PLPPR1: variants seen among roughly 807,000 people sequenced by gnomAD.
The protein encoded by PLPPR1 is phospholipid phosphatase related 1.
In PLPPR1, 10 loss-of-function variants were observed where a neutral mutation model predicts 33.1. That is an observed-to-expected ratio of 0.30 (90% CI 0.19 to 0.51). The LOEUF is 0.51. Among genes scored for constraint, PLPPR1 ranks in the 20% least tolerant of loss-of-function variants. The pLI, the probability that PLPPR1 is intolerant of heterozygous loss-of-function variation, is 0.97. For missense variants in PLPPR1, 304 were observed against 408.1 expected, an observed-to-expected ratio of 0.74 and a Z score of 2.20; for synonymous variants, 151 against 151.0, an observed-to-expected ratio of 1.00 and a Z score of 0.00.
intron 7 of PLPPR1, among the ~76,000 whole-genome samples, chr9:101,318,970 G>GT (rs1407538147): frequency 6.6e-6 from 1 of 152,072 alleles, no homozygotes; most frequent in African/African-American, 2.4e-5. Flanking sequence ...AAGTGTTTAT[G>GT]TTTTGTCATA....
At chr9:101,159,937 G>C (rs1177889090) in intron 1 of PLPPR1, among the ~76,000 whole-genome samples, 2 of 152,136 alleles carry the variant, frequency 1.3e-5, no homozygotes, top group Admixed American at 1.3e-4. Flanking sequence ...CTTCCACAAA[G>C]AGGATTTATT....
intron 2 of PLPPR1, among the ~76,000 whole-genome samples, chr9:101,192,639 C>A (rs529032610): frequency 1.3e-5 from 2 of 152,074 alleles, no homozygotes; most frequent in East Asian, 3.9e-4. Context: ...CAATATAAAA[C>A]AACAAATTTG....
intron 2 of PLPPR1, among the ~76,000 whole-genome samples, chr9:101,213,310 A>G (rs1826721775): frequency 6.6e-6 from 1 of 152,210 alleles, no homozygotes; most frequent in South Asian, 2.1e-4. Context: ...TGAATATCCA[A>G]AAATGCATAA....
rs552888852 is a variant in PLPPR1, at chr9:101,227,434, T to C, written c.63+41877T>C. ...TGAACGTTTTTTCATAGGTTGGTTG[T>C]TGGCTGCATGAATGTCTTCTTTTGA... is the stretch of plus-strand genomic sequence containing the variant. On this transcript the variant is annotated intron_variant, in intron 2 of 7. Transcript: ENST00000374874. Among the ~76,000 whole-genome samples the C allele has an allele frequency of 5.6e-4, 86 of 152,290 alleles. 2 individuals carry two copies. In the South Asian group the frequency reaches 0.018, roughly 31 times the overall value.
At chr9:101,277,357 G>A (rs1369052020) in intron 3 of PLPPR1, among the ~76,000 whole-genome samples, 2 of 152,184 alleles carry the variant, frequency 1.3e-5, no homozygotes, top group South Asian at 2.1e-4. Flanking sequence ...ACAACCCAAA[G>A]TGACAGAGAT....
At chr9:101,290,960 C>T (rs1267337131) in intron 4 of PLPPR1, among the ~76,000 whole-genome samples, 5 of 152,132 alleles carry the variant, frequency 3.3e-5, no homozygotes, top group Non-Finnish European at 2.9e-5. Context: ...GCGCACCAAG[C>T]GCGAGCCAAA....
chr9:101,244,821 A>G (rs1020535780), intron 2 of PLPPR1, among the ~76,000 whole-genome samples: 1 of 151,978 alleles, frequency 6.6e-6, no homozygotes, highest in African/African-American at 2.4e-5. Context: ...GTTAATATGT[A>G]TCTGATAGAA....
At chr9:101,298,404 G>T (rs1057348200) in intron 4 of PLPPR1, among the ~76,000 whole-genome samples, 6 of 152,202 alleles carry the variant, frequency 3.9e-5, no homozygotes, top group African/African-American at 1.4e-4. Context: ...TAAATCAAGT[G>T]TGGTCTAAGT....
chr9:101,092,420 T>C (rs1451508942), intron 1 of PLPPR1, among the ~76,000 whole-genome samples: 1 of 152,194 alleles, frequency 6.6e-6, no homozygotes, highest in East Asian at 1.9e-4. Context: ...TTTTAGTGCC[T>C]AACTGGTATT....
intron 1 of PLPPR1, among the ~76,000 whole-genome samples, chr9:101,108,530 G>A (rs1171804335): frequency 1.3e-5 from 2 of 152,230 alleles, no homozygotes; most frequent in Non-Finnish European, 2.9e-5. Flanking sequence ...GACAGGCACT[G>A]TTTGTAACTA....
chr9:101,230,342 T>C (rs905104602), intron 2 of PLPPR1, among the ~76,000 whole-genome samples: 1 of 152,140 alleles, frequency 6.6e-6, no homozygotes, highest in African/African-American at 2.4e-5. Context: ...TTTTTGATTG[T>C]TGATATTTCC....
intron 7 of PLPPR1, among the ~76,000 whole-genome samples, chr9:101,318,642 C>G (rs141135516): frequency 2.4e-4 from 37 of 152,170 alleles, no homozygotes; most frequent in Middle Eastern, 3.4e-3. Context: ...GGCATGGTAG[C>G]GCATGCCTGT....
intron 1 of PLPPR1, among the ~76,000 whole-genome samples, chr9:101,033,335 GT>G (rs1829968514): frequency 6.6e-6 from 1 of 152,188 alleles, no homozygotes; most frequent in Non-Finnish European, 1.5e-5. Context: ...GGGGAAGGAG[GT>G]TAGCTCAGGA....
In PLPPR1 at chr9:101,211,778, A is replaced by G. The variant is rs1348676097; in HGVS notation, c.63+26221A>G. On this transcript the variant is annotated intron_variant, in intron 2 of 7. Coordinates refer to ENST00000374874, the MANE Select transcript of PLPPR1 (RefSeq NM_207299.2). Reference sequence around the variant, plus strand: ...TTTCTTCTTAGAATCCAAACTAAAAATGGATCTTTCATTTATAAATGATAA... The same window carrying G: ...TTTCTTCTTAGAATCCAAACTAAAAGTGGATCTTTCATTTATAAATGATAA... Among the ~76,000 whole-genome samples the G allele has an allele frequency of 2.0e-5, 3 of 152,328 alleles. No individual in the cohort carries two copies. In the East Asian group the frequency reaches 5.8e-4, roughly 29 times the overall value.
chr9:101,271,308 G>A (rs1235340156), intron 3 of PLPPR1, among the ~76,000 whole-genome samples: 1 of 152,186 alleles, frequency 6.6e-6, no homozygotes, highest in East Asian at 1.9e-4. Context: ...ATGCGTTGCT[G>A]TGGGGCTTAG....
At chr9:101,319,330 C>A (rs143377370) in intron 7 of PLPPR1, among the ~76,000 whole-genome samples, 5,507 of 152,298 alleles carry the variant, frequency 0.036, 344 homozygotes, top group African/African-American at 0.12. Context: ...GCACGCGCCA[C>A]CACGCCTGGC....
intron 2 of PLPPR1, among the ~76,000 whole-genome samples, chr9:101,202,697 G>A (rs1233715140): frequency 6.6e-6 from 1 of 152,176 alleles, no homozygotes; most frequent in East Asian, 1.9e-4. Context: ...GGAGAAATGG[G>A]GCTCTGTGCA....
chr9:101,038,173 T>C (rs1830033034), intron 1 of PLPPR1, among the ~76,000 whole-genome samples: 1 of 152,128 alleles, frequency 6.6e-6, no homozygotes, highest in Non-Finnish European at 1.5e-5. Context: ...TATTTTACTA[T>C]TTACTTTTAG....
Position 101,264,460 on chromosome 9 carries a change from A to G in PLPPR1, c.64-5420A>G, listed in dbSNP as rs117154526. On this transcript the variant is annotated intron_variant, in intron 2 of 7. Transcript: ENST00000374874. ...TCTCCTTCTATCAAGTCCCCTCCCA[A>G]CCAGTTCACCAGGCACCTGCAGCCA... is the stretch of plus-strand genomic sequence containing the variant. Among the ~76,000 whole-genome samples the G allele has an allele frequency of 3.8e-3, 578 of 151,972 alleles. 2 individuals carry two copies. Among genetic ancestry groups the G allele is most frequent in the Middle Eastern group, 0.014 (4 of 294 alleles).
Sources: gnomAD v4.1 joint callset for allele counts (sites outside exome capture counted in the v4.1 genomes callset) on GRCh38, gnomAD v4.1.1 for gene constraint, MANE v1.5 for transcripts, NCBI Gene and HGNC (gene_info 2026-07-23, HGNC 2026-07-21) for gene names.